Variants in PTPN21 observed in about 807,000 individuals in gnomAD.
PTPN21 encodes tyrosine-protein phosphatase non-receptor type 21.
In PTPN21, 77 loss-of-function variants were observed where a neutral mutation model predicts 131.8. The ratio of observed to expected loss-of-function variants is 0.58; its 90% confidence interval spans 0.49 to 0.71. PTPN21 has a LOEUF of 0.71. PTPN21 is among the 30% of genes least tolerant of loss of function. The probability of loss-of-function intolerance (pLI) is 0.00; values close to 1 mark genes in which losing one functional copy is unlikely to be tolerated. For missense variants in PTPN21, 1,552 were observed against 1,527.1 expected, an observed-to-expected ratio of 1.02 and a Z score of -0.27; for synonymous variants, 715 against 621.3, an observed-to-expected ratio of 1.15 and a Z score of -2.24.
intron 6 of PTPN21, among the ~76,000 whole-genome samples, chr14:88,502,207 A>G (rs2078019909): frequency 6.6e-6 from 1 of 152,058 alleles, no homozygotes; most frequent in Non-Finnish European, 1.5e-5. Flanking sequence ...CGCTGTCCTC[A>G]AGGCACCCAC....
chr14:88,512,656 G>C (rs537538103), intron 3 of PTPN21: 1 of 152,308 alleles, frequency 6.6e-6, no homozygotes, highest in East Asian at 1.9e-4. Flanking sequence ...ATCTATATCT[G>C]CACTGCCCAA....
chr14:88,473,595 T>G, intron 14 of PTPN21, 70 bp downstream of exon 14: 6 of 1,516,580 alleles, frequency 4.0e-6, no homozygotes, highest in Non-Finnish European at 5.3e-6. Flanking sequence ...CAAAATCTCA[T>G]GAAGGCATTT....
At position 88,554,169 on chromosome 14, in the gene PTPN21, C is replaced by T. The variant is rs1488738059; in HGVS notation, c.-203+482G>A. Among the ~76,000 whole-genome samples the T allele has an allele frequency of 2.6e-5, 4 of 152,166 alleles. No homozygotes were observed. The East Asian group carries it at 5.8e-4, about 22-fold the overall frequency. ...CAAAAAAGAAAATAGGACGAGCATGCCAAGAGCGGCCAATCTAATCAGGAT... is the reference window on the plus strand; with the variant it reads ...CAAAAAAGAAAATAGGACGAGCATGTCAAGAGCGGCCAATCTAATCAGGAT... On this transcript the variant is annotated intron_variant, in intron 1 of 18. Transcript: ENST00000556564.
At chr14:88,511,814 T>C (rs570583042) in intron 3 of PTPN21, among the ~76,000 whole-genome samples, 236 of 152,342 alleles carry the variant, frequency 1.5e-3, no homozygotes, top group African/African-American at 5.6e-3. Flanking sequence ...ATATGCTGAT[T>C]AAATATTTTA....
In PTPN21 at chr14:88,486,977, C is replaced by CAAA. The variant is rs1198956976; in HGVS notation, c.933-1138_933-1136dup. Among the ~76,000 whole-genome samples, 27 of 54,606 alleles carry CAAA rather than the reference C, an allele frequency of 4.9e-4. 1 individual carries two copies. The highest frequency in any genetic ancestry group is 1.4e-3 in the African/African-American group (25 of 17,270). The allele number at this position is 54,606 out of a possible 152,430, so 35.8% of individuals were successfully genotyped here. On this transcript the variant is annotated intron_variant, in intron 10 of 18. Transcript: ENST00000556564. ...GGCAACAAGAGCGAGATTCTAGCCTCAAAAAAAAAAAAAAAAAAAAGTACC... is the reference window on the plus strand; with the variant it reads ...GGCAACAAGAGCGAGATTCTAGCCTCAAAAAAAAAAAAAAAAAAAAAAAGTACC...
In PTPN21 at chr14:88,479,558, T is replaced by C. The variant is rs768803677; in HGVS notation, c.1873A>G (p.Thr625Ala). 3 of 1,598,222 alleles carry C rather than the reference T, an allele frequency of 1.9e-6. No individual in the cohort carries two copies. Among genetic ancestry groups the C allele is most frequent in the Middle Eastern group, 1.7e-4 (1 of 6,052 alleles). Residue 625 changes from threonine to alanine, a missense_variant, in exon 13 of 19, where the codon ACC becomes GCC. By Grantham distance (58) the Thr-to-Ala change is moderately conservative. Transcript: ENST00000556564. ...HSLQEVSEPL[T>A]AARHAQLHKR... is the part of the protein sequence containing the mutation. ...TGCAGCTGCGCGTGGCGCGCGGCGGTGAGGGGCTCGCTGACCTCCTGCAGC... is the reference window on the plus strand; with the variant it reads ...TGCAGCTGCGCGTGGCGCGCGGCGGCGAGGGGCTCGCTGACCTCCTGCAGC...
chr14:88,478,112 G>A (rs1009264483), intron 13 of PTPN21, among the ~76,000 whole-genome samples: 1 of 152,086 alleles, frequency 6.6e-6, no homozygotes, highest in Non-Finnish European at 1.5e-5. Flanking sequence ...CATAACAATA[G>A]GCTTACTGTA....
intron 12 of PTPN21, 77 bp from the exon 13 acceptor site, chr14:88,480,429 C>T (rs564201992): frequency 8.9e-6 from 10 of 1,124,290 alleles, no homozygotes; most frequent in Middle Eastern, 2.2e-4. Flanking sequence ...TCGGCCCTTA[C>T]CTCTGATGAC....
In PTPN21 at chr14:88,517,421, G is replaced by A. The variant is rs568345845; in HGVS notation, c.181-160C>T. Among the ~76,000 whole-genome samples the A allele has an allele frequency of 1.2e-4, 19 of 152,112 alleles. No homozygotes were observed. In the South Asian group the frequency reaches 3.9e-3, roughly 32 times the overall value. ...GCAAAAACTGAAGGAAAAAAAGGAGGTAAGACCTATCTGTAACTAGCTACT... is the reference window on the plus strand; with the variant it reads ...GCAAAAACTGAAGGAAAAAAAGGAGATAAGACCTATCTGTAACTAGCTACT... On this transcript the variant is annotated intron_variant, in intron 2 of 18. Coordinates refer to ENST00000556564, the MANE Select transcript of PTPN21 (RefSeq NM_007039.4).
At position 88,532,402 on chromosome 14, in the gene PTPN21, C is replaced by T. The variant is rs117079430; in HGVS notation, c.181-15141G>A. On this transcript the variant is annotated intron_variant, in intron 2 of 18. Coordinates refer to ENST00000556564, the MANE Select transcript of PTPN21 (RefSeq NM_007039.4). ...AAAAATGAGCCAGAAATAGACGAGC[C>T]TATGAGTTCATTACAATTTCTATTT... Among the ~76,000 whole-genome samples the T allele has an allele frequency of 1.1e-4, 17 of 152,236 alleles. 1 individual carries two copies. In the East Asian group the frequency reaches 3.1e-3, roughly 28 times the overall value.
At chr14:88,506,570 A>T (rs1192845741) in intron 4 of PTPN21, among the ~76,000 whole-genome samples, 5 of 152,064 alleles carry the variant, frequency 3.3e-5, no homozygotes, top group African/African-American at 9.7e-5. Flanking sequence ...GAGACACCGC[A>T]CCCAGCCATC....
intron 13 of PTPN21, 96 bp downstream of exon 13, chr14:88,478,824 C>A: frequency 1.3e-6 from 1 of 747,054 alleles, no homozygotes; most frequent in Non-Finnish European, 2.0e-6. Flanking sequence ...GTTAAAAGAA[C>A]AAGAGGAGCT....
At chr14:88,530,517 C>G (rs1297614739) in intron 2 of PTPN21, among the ~76,000 whole-genome samples, 2 of 134,144 alleles carry the variant, frequency 1.5e-5, no homozygotes, top group African/African-American at 2.5e-5. Context: ...ATCCACCAAC[C>G]AAGTATCTGC....
chr14:88,469,376 G>A lies in PTPN21; in HGVS notation c.3235+123C>T, dbSNP rs1268864960. The A allele has an allele frequency of 1.1e-5, 10 of 926,496 alleles. No individual in the cohort carries two copies. The highest frequency in any genetic ancestry group is 1.6e-5 in the Non-Finnish European group (10 of 620,462). The allele number at this position is 926,496 out of a possible 1,614,324, so 57.4% of individuals were successfully genotyped here. A position where few individuals can be genotyped will look rare whatever the true frequency, so the allele number is the denominator to read the frequency against. On this transcript the variant is annotated intron_variant, in intron 17 of 18. Transcript: ENST00000556564. This position sits in a 1 kb window ranked among gnomAD's most constrained non-coding sequence, Gnocchi z 4.3. ...TCCCCAAAACACTTGTATTCTTTAT[G>A]TTAAAACAAGTCCGAAGCTTATATG... is the stretch of plus-strand genomic sequence containing the variant.
chr14:88,475,192 G>A (rs779192795), intron 13 of PTPN21, among the ~76,000 whole-genome samples: 1 of 152,082 alleles, frequency 6.6e-6, no homozygotes, highest in Non-Finnish European at 1.5e-5. Context: ...GTTCTGCCCT[G>A]TAAACAAAAT....
At chr14:88,524,500 T>A (rs2078445795) in intron 2 of PTPN21, among the ~76,000 whole-genome samples, 1 of 152,110 alleles carries the variant, frequency 6.6e-6, no homozygotes, top group Non-Finnish European at 1.5e-5. Context: ...CGTAAAATAG[T>A]TTAGAAGAAA....
At chr14:88,493,453 G>A (rs1003468749) in intron 10 of PTPN21, among the ~76,000 whole-genome samples, 1 of 152,170 alleles carries the variant, frequency 6.6e-6, no homozygotes, top group African/African-American at 2.4e-5. Flanking sequence ...TGCCTTCCTG[G>A]AGTCAGACTC....
chr14:88,547,552 C>G, intron 2 of PTPN21: 1 of 403,530 alleles, frequency 2.5e-6, no homozygotes, highest in South Asian at 1.8e-5. Flanking sequence ...TCTTGGCAGG[C>G]TAAGGCAAAA....
At chr14:88,538,052 T>C (rs2078654629) in intron 2 of PTPN21, among the ~76,000 whole-genome samples, 1 of 152,222 alleles carries the variant, frequency 6.6e-6, no homozygotes, top group Admixed American at 6.5e-5. Flanking sequence ...ACTGTATATA[T>C]ATAACCAACA....
Sources: gnomAD v4.1 joint callset for allele counts (sites outside exome capture counted in the v4.1 genomes callset) on GRCh38, gnomAD v4.1.1 for gene constraint, Gnocchi (gnomAD v3.1) non-coding constraint, MANE v1.5 for transcripts, NCBI Gene and HGNC (gene_info 2026-07-23, HGNC 2026-07-21) for gene names.